The following EPS8 variants were observed in gnomAD, a reference collection of about 807,000 sequenced individuals.
EPS8 encodes the protein EGFR pathway substrate 8, signaling adaptor.
Under a neutral mutation model 103.8 loss-of-function variants are expected in EPS8, and 42 were observed. The ratio of observed to expected loss-of-function variants is 0.40; its 90% confidence interval spans 0.32 to 0.52. The LOEUF (loss-of-function observed/expected upper bound fraction) is 0.52. Ranked by LOEUF, EPS8 falls within the 20% of genes least tolerant of loss-of-function variation. The pLI is 0.40. For missense variants in EPS8, 969 were observed against 1,005.1 expected (o/e 0.96, Z 0.49); for synonymous variants, 344 against 344.6 (o/e 1.00, Z 0.02).
rs1369176830 is a variant in EPS8 at position 15,738,353 on chromosome 12, C to T, written c.-22+50808G>A. On this transcript the variant is annotated intron_variant, in intron 1 of 20. Coordinates refer to ENST00000281172, the MANE Select transcript of EPS8 (RefSeq NM_004447.6). This position sits in a 1 kb window ranked among gnomAD's most constrained non-coding sequence, Gnocchi z 6.2. ...AATTAACAAGATTTTGCCTATAACT[C>T]CTATTCACCTAAGTTGTGAAGATAA... is the stretch of plus-strand genomic sequence containing the variant. 6.6e-6 allele frequency among the ~76,000 whole-genome samples: 1 copy of T among 152,050 alleles called. No homozygotes were observed. Among genetic ancestry groups the T allele is most frequent in the Non-Finnish European group, 1.5e-5 (1 of 68,002 alleles).
chr12:15,647,149 T>A lies in EPS8; in HGVS notation c.1546A>T (p.Thr516Ser). 6.2e-7 allele frequency: 1 copy of A among 1,613,842 alleles called. No individual in the cohort carries two copies. The highest frequency in any genetic ancestry group is 1.1e-5 in the South Asian group (1 of 90,996). ...QGEAAVAFKPTSNRHIDRNYE... is the reference protein window; with the variant it reads ...QGEAAVAFKPSSNRHIDRNYE... ...TACCTATCTATATGGCGATTAGAAGTTGGCTTAAAAGCAACAGCAGCTTCC... is the reference window on the plus strand; with the variant it reads ...TACCTATCTATATGGCGATTAGAAGATGGCTTAAAAGCAACAGCAGCTTCC... Residue 516 changes from threonine to serine, a missense_variant, in exon 15 of 21, where the codon ACT (threonine) becomes TCT (serine). By Grantham distance (58) the Thr-to-Ser change is moderately conservative. Transcript: ENST00000281172.
At chr12:15,689,873 T>C (rs530629371) in intron 1 of EPS8, among the ~76,000 whole-genome samples, 121 of 152,232 alleles carry the variant, frequency 7.9e-4, no homozygotes, top group African/African-American at 2.8e-3. Flanking sequence ...GGCTGGGAGT[T>C]GGGGAAGGAG....
intron 3 of EPS8, among the ~76,000 whole-genome samples, chr12:15,679,404 T>C (rs531329155): frequency 6.6e-6 from 1 of 152,322 alleles, no homozygotes; most frequent in African/African-American, 2.4e-5. Context: ...ATTGCTTGCA[T>C]CTGATTAATT....
At chr12:15,712,870 T>C (rs1051636702) in intron 1 of EPS8, 3 of 985,130 alleles carry the variant, frequency 3.0e-6, no homozygotes, top group African/African-American at 3.5e-5. Context: ...GTTCAGGAAA[T>C]ACTCCTCTAA....
intron 20 of EPS8, 138 bp downstream of exon 20, chr12:15,623,020 A>C: frequency 2.6e-6 from 2 of 773,388 alleles, no homozygotes; most frequent in South Asian, 4.5e-5. Context: ...TGATGATCTC[A>C]GTGACAAATT....
At chr12:15,655,692 G>A (rs1274668108) in intron 12 of EPS8, among the ~76,000 whole-genome samples, 1 of 152,178 alleles carries the variant, frequency 6.6e-6, no homozygotes, top group Non-Finnish European at 1.5e-5. Context: ...TTTAACAGAA[G>A]GAAGAGGAAA....
intron 1 of EPS8, among the ~76,000 whole-genome samples, chr12:15,729,524 T>G (rs1276058893): frequency 6.6e-6 from 1 of 152,168 alleles, no homozygotes; most frequent in Non-Finnish European, 1.5e-5. Context: ...TCATTAGCCC[T>G]CTCCAATCTA....
chr12:15,658,068 TA>T lies in EPS8; in HGVS notation c.1101+10del. ...TAAGAACGATTCTTTCTTAAACTAATAAAATCTCACCATATTTAATGGAGTA... is the reference window on the plus strand; with the variant it reads ...TAAGAACGATTCTTTCTTAAACTAATAAATCTCACCATATTTAATGGAGTA... On this transcript the variant is annotated intron_variant, in intron 12 of 20. Coordinates refer to ENST00000281172, the MANE Select transcript of EPS8 (RefSeq NM_004447.6). The T allele has an allele frequency of 6.6e-7, 1 of 1,522,480 alleles. No individual in the cohort carries two copies. Among genetic ancestry groups the T allele is most frequent in the Non-Finnish European group, 9.1e-7 (1 of 1,097,872 alleles). 94.3% of individuals were successfully genotyped at this position (1,522,480 alleles called of 1,614,324 possible).
intron 18 of EPS8, among the ~76,000 whole-genome samples, chr12:15,628,457 T>TA (rs1944987048): frequency 6.6e-6 from 1 of 152,146 alleles, no homozygotes; most frequent in South Asian, 2.1e-4. Context: ...CTTTCTAAAG[T>TA]AACACTCTGA....
In EPS8 at chr12:15,713,731, C is replaced by G. The variant is rs534627782; in HGVS notation, c.-21-30759G>C. On this transcript the variant is annotated intron_variant, in intron 1 of 20. Transcript: ENST00000281172. This position sits in a 1 kb window ranked among gnomAD's most constrained non-coding sequence, Gnocchi z 4.8. Reference sequence around the variant, plus strand: ...TCTTCCAGAAAACCAGGGCTGTCTTCAAAGGTCTATCCTCATAGTTAAAAA... The same window carrying G: ...TCTTCCAGAAAACCAGGGCTGTCTTGAAAGGTCTATCCTCATAGTTAAAAA... Among the ~76,000 whole-genome samples, 7 of 152,210 alleles carry G rather than the reference C, an allele frequency of 4.6e-5. No individual in the cohort carries two copies. Among genetic ancestry groups the G allele is most frequent in the African/African-American group, 7.2e-5 (3 of 41,530 alleles).
At position 15,681,292 on chromosome 12, in the gene EPS8, A is replaced by C. The variant is rs1257413851; in HGVS notation, c.70T>G (p.Ser24Ala). 5 of 1,410,098 alleles carry C rather than the reference A, an allele frequency of 3.5e-6. No homozygotes were observed. Among genetic ancestry groups the C allele is most frequent in the Non-Finnish European group, 4.8e-6 (5 of 1,050,664 alleles). The allele number at this position is 1,410,098 out of a possible 1,614,324, so 87.3% of individuals were successfully genotyped here. Reference sequence around the variant, plus strand: ...TCCGTCTGGGAAAAGGTAGGTGATGATCCGTAGCCACTGTAATAATAATAA... The same window carrying C: ...TCCGTCTGGGAAAAGGTAGGTGATGCTCCGTAGCCACTGTAATAATAATAA... Reference protein sequence around the residue: ...MYPSQMNGYGSSPTFSQTDRE... With the variant: ...MYPSQMNGYGASPTFSQTDRE... The change falls in exon 3 of 21, where the codon TCA (serine) becomes GCA (alanine). Residue 24 changes from serine (S) to alanine (A), a missense_variant. By Grantham distance (99) the Ser-to-Ala change is moderately conservative (BLOSUM62 1). Coordinates refer to ENST00000281172, the MANE Select transcript of EPS8 (RefSeq NM_004447.6).
Position 15,704,993 on chromosome 12 carries a change from A to T in EPS8, c.-21-22021T>A, listed in dbSNP as rs934242940. On this transcript the variant is annotated intron_variant, in intron 1 of 20. Transcript: ENST00000281172. This position sits in a 1 kb window ranked among gnomAD's most constrained non-coding sequence, Gnocchi z 4.6. Reference sequence around the variant, plus strand: ...ACATATACATGTGTGTATATTTTTTAAAATTTGAAGTAGGTTAACATTGTA... The same window carrying T: ...ACATATACATGTGTGTATATTTTTTTAAATTTGAAGTAGGTTAACATTGTA... Among the ~76,000 whole-genome samples, 3 of 152,164 alleles carry T rather than the reference A, an allele frequency of 2.0e-5. No individual in the cohort carries two copies. The highest frequency in any genetic ancestry group is 2.1e-4 in the South Asian group (1 of 4,824).
At chr12:15,786,884 G>C (rs368240201) in intron 1 of EPS8, among the ~76,000 whole-genome samples, 28 of 152,210 alleles carry the variant, frequency 1.8e-4, no homozygotes, top group Non-Finnish European at 3.4e-4. Context: ...ACTATAGCCA[G>C]AATACTTTAA....
chr12:15,771,941 G>A lies in EPS8; in HGVS notation c.-22+17220C>T, dbSNP rs921734600. 5.3e-5 allele frequency among the ~76,000 whole-genome samples: 8 copies of A among 151,996 alleles called. No homozygotes were observed. The highest frequency in any genetic ancestry group is 2.1e-4 in the South Asian group (1 of 4,816). On this transcript the variant is annotated intron_variant, in intron 1 of 20. Coordinates refer to ENST00000281172, the MANE Select transcript of EPS8 (RefSeq NM_004447.6). The surrounding 1 kb of genome is among the most constrained non-coding windows in gnomAD (Gnocchi z 4.6). ...AGATCGAGACCATCCTGGCTAATGC[G>A]GTGAAACCCCGTCTCTACTAAAAAT...
At chr12:15,712,804 G>C in intron 1 of EPS8, 1 of 921,258 alleles carries the variant, frequency 1.1e-6, no homozygotes, top group Non-Finnish European at 1.3e-6. Flanking sequence ...TTACGCCTTT[G>C]AGAGCCCTCC....
At chr12:15,705,409 A>G (rs1327885026) in intron 1 of EPS8, among the ~76,000 whole-genome samples, 9 of 152,224 alleles carry the variant, frequency 5.9e-5, no homozygotes, top group Admixed American at 5.2e-4. Context: ...GAGCTTTTAA[A>G]CAATCTAATA....
At position 15,748,658 on chromosome 12, in the gene EPS8, A is replaced by C. The variant is rs1946899517; in HGVS notation, c.-22+40503T>G. Reference sequence around the variant, plus strand: ...CTTTCATCTGATATAAAGAAAAGAAAATATGCCCAGTTAGTTTAAAATGGA... The same window carrying C: ...CTTTCATCTGATATAAAGAAAAGAACATATGCCCAGTTAGTTTAAAATGGA... On this transcript the variant is annotated intron_variant, in intron 1 of 20. Transcript: ENST00000281172. The surrounding 1 kb of genome is among the most constrained non-coding windows in gnomAD (Gnocchi z 4.8). 6.6e-6 allele frequency among the ~76,000 whole-genome samples: 1 copy of C among 152,218 alleles called. No homozygotes were observed. Among genetic ancestry groups the C allele is most frequent in the South Asian group, 2.1e-4 (1 of 4,830 alleles).
At chr12:15,631,893 G>C in intron 17 of EPS8, 1 of 405,116 alleles carries the variant, frequency 2.5e-6, no homozygotes, top group Non-Finnish European at 4.4e-6. Context: ...ACAAGGCTAC[G>C]TCAATAGCAA....
rs1946384082 is a variant in EPS8 at position 15,706,150 on chromosome 12, C to G, written c.-21-23178G>C. On this transcript the variant is annotated intron_variant, in intron 1 of 20. Coordinates refer to ENST00000281172, the MANE Select transcript of EPS8 (RefSeq NM_004447.6). The surrounding 1 kb of genome is among the most constrained non-coding windows in gnomAD (Gnocchi z 5.2). The stretch of plus-strand genomic sequence containing the variant: ...TTCTGCAAACCAGTATGGTAAACAT[C>G]TTGTAAAATGGTCCCTCCCATTGAG... Among the ~76,000 whole-genome samples the G allele has an allele frequency of 6.6e-6, 1 of 152,112 alleles. No homozygotes were observed. The highest frequency in any genetic ancestry group is 6.6e-5 in the Admixed American group (1 of 15,266).
Sources: allele counts gnomAD v4.1 joint callset (sites outside exome capture counted in the v4.1 genomes callset), GRCh38; gene constraint gnomAD v4.1.1; non-coding constraint Gnocchi (gnomAD v3.1); transcripts MANE v1.5; gene names NCBI Gene and HGNC (gene_info 2026-07-23, HGNC 2026-07-21).